Variants in NAV2 observed in about 807,000 individuals in gnomAD.
The protein encoded by NAV2 is helicase, APC down-regulated 1.
In NAV2, 54 loss-of-function variants were observed where a neutral mutation model predicts 223.2. That is an observed-to-expected ratio of 0.24 (90% CI 0.19 to 0.30). NAV2 has a LOEUF of 0.30. Ranked by LOEUF, NAV2 falls within the 10% of genes least tolerant of loss-of-function variation. NAV2 has a pLI of 1.00. For missense variants in NAV2, 2,806 were observed against 3,147.5 expected (o/e 0.89, Z 2.60); for synonymous variants, 1,279 against 1,239.3 (o/e 1.03, Z -0.67).
chr11:19,983,919 C>T (rs61877341), intron 10 of NAV2, among the ~76,000 whole-genome samples: 13,531 of 152,110 alleles, frequency 0.089, 671 homozygotes, highest in South Asian at 0.12. Flanking sequence ...CTTTTTTCAC[C>T]TTTTTGTTAG....
At chr11:20,067,743 G>A (rs2059141816) in intron 20 of NAV2, among the ~76,000 whole-genome samples, 1 of 151,026 alleles carries the variant, frequency 6.6e-6, no homozygotes, top group Non-Finnish European at 1.5e-5. Context: ...ACCAACCTCA[G>A]CCTCCCAAAG....
chr11:19,777,270 T>A (rs1646183944), intron 1 of NAV2, among the ~76,000 whole-genome samples: 2 of 150,540 alleles, frequency 1.3e-5, no homozygotes, highest in Non-Finnish European at 3.0e-5. Context: ...CAGGGTAGGG[T>A]CCCCGCGCGC....
Position 19,713,860 on chromosome 11 carries a change from G to A in NAV2, c.165G>A (p.Gln55=), listed in dbSNP as rs1260881279. ...TGAGCAAGACCACCTATCCTAGCCA[G>A]ATCCCCCTGAAATCGCAGGTGCTGC... The part of the protein sequence containing the change: ...VEVSKTTYPS[Q]IPLKSQVLQG... The change falls in exon 1 of 38, where the codon CAG becomes CAA. Residue 55 remains glutamine, a synonymous_variant. Transcript: ENST00000349880. The surrounding 1 kb of genome is among the most constrained non-coding windows in gnomAD (Gnocchi z 7.2). 6.2e-7 allele frequency: 1 copy of A among 1,613,568 alleles called. No homozygotes were observed. Among genetic ancestry groups the A allele is most frequent in the Non-Finnish European group, 8.5e-7 (1 of 1,179,946 alleles).
rs567691033 is a variant in NAV2, at chr11:20,084,941, C to T, written c.5498+1762C>T. Among the ~76,000 whole-genome samples, 9 of 152,244 alleles carry T rather than the reference C, an allele frequency of 5.9e-5. No individual in the cohort carries two copies. In the East Asian group the frequency reaches 1.5e-3, roughly 26 times the overall value. ...CAGTTACTGTCGCCTGTAATCCCAGCGCTTTGGGAGGCCAAGGAGGGAGGA... is the reference window on the plus strand; with the variant it reads ...CAGTTACTGTCGCCTGTAATCCCAGTGCTTTGGGAGGCCAAGGAGGGAGGA... On this transcript the variant is annotated intron_variant, in intron 26 of 37. Transcript: ENST00000349880.
intron 11 of NAV2, among the ~76,000 whole-genome samples, chr11:20,008,580 T>A (rs187693647): frequency 1.7e-3 from 258 of 152,308 alleles, no homozygotes; most frequent in Non-Finnish European, 2.9e-3. Context: ...CAGATGAAAG[T>A]CATTCACACC....
intron 1 of NAV2, among the ~76,000 whole-genome samples, chr11:19,385,513 C>T (rs1007474780): frequency 1.3e-5 from 2 of 152,132 alleles, no homozygotes; most frequent in African/African-American, 4.8e-5. Flanking sequence ...CAAAATACAC[C>T]TGACAACTGC....
intron 33 of NAV2, 56 bp downstream of exon 33, chr11:20,103,465 G>C: frequency 6.3e-7 from 1 of 1,584,070 alleles, no homozygotes; most frequent in Non-Finnish European, 8.6e-7. Context: ...GCCAGCTGAT[G>C]GGGCACTGTG....
intron 14 of NAV2, among the ~76,000 whole-genome samples, chr11:20,048,157 A>G (rs115374544): frequency 0.033 from 4,991 of 152,290 alleles, 255 homozygotes; most frequent in African/African-American, 0.11. Flanking sequence ...CTCTGGCTTC[A>G]AAAGATACAT....
intron 1 of NAV2, among the ~76,000 whole-genome samples, chr11:19,731,039 A>G (rs1350459484): frequency 1.3e-5 from 2 of 152,240 alleles, no homozygotes; most frequent in African/African-American, 4.8e-5. Flanking sequence ...TTTATCTGAA[A>G]TTCAGATTTA....
chr11:20,081,425 A>T (rs1480061872), intron 25 of NAV2, among the ~76,000 whole-genome samples: 2 of 152,212 alleles, frequency 1.3e-5, no homozygotes, highest in Non-Finnish European at 2.9e-5. Flanking sequence ...AAACGTGCTT[A>T]TGTTGCTTTA....
In NAV2 at chr11:20,118,313, C is replaced by A. The variant is rs2063302476; in HGVS notation, c.*55C>A. ...TCTCCTCACCGCATTCCACCTGCAT[C>A]CCCCACATCACCCTGAAGATGACTT... On this transcript the variant is annotated 3_prime_UTR_variant, in exon 38 of 38. Coordinates refer to ENST00000349880, the MANE Select transcript of NAV2 (RefSeq NM_145117.5). 2 of 1,593,992 alleles carry A rather than the reference C, an allele frequency of 1.3e-6. No homozygotes were observed. The highest frequency in any genetic ancestry group is 1.3e-5 in the African/African-American group (1 of 74,590).
At chr11:19,986,987 T>A (rs1436933457) in intron 11 of NAV2, among the ~76,000 whole-genome samples, 1 of 152,202 alleles carries the variant, frequency 6.6e-6, no homozygotes, top group East Asian at 1.9e-4. Context: ...TAGGAGATAG[T>A]TTTAGATGGC....
At chr11:19,981,260 A>G (rs935037556) in intron 10 of NAV2, 1 of 152,106 alleles carries the variant, frequency 6.6e-6, no homozygotes, top group Non-Finnish European at 1.5e-5. Context: ...TTTCAGTCCC[A>G]TTTCTCAGAG....
At chr11:19,583,239 C>G (rs570180162) in intron 1 of NAV2, among the ~76,000 whole-genome samples, 1 of 152,300 alleles carries the variant, frequency 6.6e-6, no homozygotes, top group African/African-American at 2.4e-5. Flanking sequence ...TATCCTGAGA[C>G]TTTGCTGAAG....
chr11:19,756,433 G>C (rs1172119250), intron 1 of NAV2, among the ~76,000 whole-genome samples: 1 of 152,206 alleles, frequency 6.6e-6, no homozygotes, highest in East Asian at 1.9e-4. Flanking sequence ...GAAGAGTCTA[G>C]AAGGTATTAC....
chr11:20,062,247 T>C lies in NAV2; in HGVS notation c.4832-60T>C, dbSNP rs1158016509. 9.6e-6 allele frequency: 12 copies of C among 1,245,982 alleles called. No homozygotes were observed. In the African/African-American group the frequency reaches 1.3e-4, roughly 14 times the overall value. 77.2% of individuals were successfully genotyped at this position (1,245,982 alleles called of 1,614,324 possible). A position where few individuals can be genotyped will look rare whatever the true frequency, so the allele number is the denominator to read the frequency against. On this transcript the variant is annotated intron_variant, in intron 19 of 37. Coordinates refer to ENST00000349880, the MANE Select transcript of NAV2 (RefSeq NM_145117.5). The stretch of plus-strand genomic sequence containing the variant: ...GTATTGCTGATGTTCTCCTCCCCTG[T>C]CCCCTTTTTGGTTCCATAACAGCCA...
At chr11:19,484,212 G>A (rs1337386897) in intron 1 of NAV2, among the ~76,000 whole-genome samples, 1 of 151,672 alleles carries the variant, frequency 6.6e-6, no homozygotes, top group Non-Finnish European at 1.5e-5. Flanking sequence ...GTTAATTAAA[G>A]CCTGGCTCTT....
intron 1 of NAV2, among the ~76,000 whole-genome samples, chr11:19,620,892 T>C (rs1407816971): frequency 6.6e-6 from 1 of 152,192 alleles, no homozygotes; most frequent in Non-Finnish European, 1.5e-5. Context: ...ATATTGGCTG[T>C]GGGTTTGTCA....
intron 4 of NAV2, among the ~76,000 whole-genome samples, chr11:19,877,328 GTA>G (rs1029328823): frequency 3.3e-5 from 5 of 151,844 alleles, no homozygotes; most frequent in African/African-American, 1.2e-4. Context: ...GGCACTAAAA[GTA>G]AATCTTACAT....
Sources: allele counts gnomAD v4.1 joint callset (sites outside exome capture counted in the v4.1 genomes callset), GRCh38; gene constraint gnomAD v4.1.1; non-coding constraint Gnocchi (gnomAD v3.1); transcripts MANE v1.5; gene names NCBI Gene and HGNC (gene_info 2026-07-23, HGNC 2026-07-21).